Variants in FHIT observed in about 807,000 individuals in gnomAD.
FHIT encodes the protein fragile histidine triad diadenosine triphosphatase.
Under a neutral mutation model 17.9 loss-of-function variants are expected in FHIT, and 19 were observed. The ratio of observed to expected loss-of-function variants is 1.06; its 90% CI spans 0.74 to 1.56. The LOEUF (loss-of-function observed/expected upper bound fraction) is 1.56, where lower values mean the gene tolerates loss of function less well. Ranked by LOEUF, FHIT falls within the 40% of genes most tolerant of loss-of-function variation. The probability of loss-of-function intolerance (pLI) is 0.00; values close to 1 mark genes in which losing one functional copy is unlikely to be tolerated. For synonymous variants in FHIT, 81 were observed against 69.7 expected (o/e 1.16, Z -0.81); for missense variants, 248 against 189.2 (o/e 1.31, Z -1.82).
chr3:60,790,525 C>A (rs1485325273), intron 4 of FHIT, among the ~76,000 whole-genome samples: 2 of 152,142 alleles, frequency 1.3e-5, no homozygotes, highest in Non-Finnish European at 2.9e-5. Flanking sequence ...AATCCTGATT[C>A]CCCTTTTAGG....
chr3:61,113,664 C>T (rs2036221707), intron 2 of FHIT, among the ~76,000 whole-genome samples: 1 of 152,166 alleles, frequency 6.6e-6, no homozygotes, highest in Non-Finnish European at 1.5e-5. Context: ...GTTTATTTGA[C>T]ATCTCTCTTG....
intron 7 of FHIT, among the ~76,000 whole-genome samples, chr3:59,957,179 A>C (rs1707447275): frequency 6.6e-6 from 1 of 152,192 alleles, no homozygotes; most frequent in South Asian, 2.1e-4. Flanking sequence ...AGGGGCTTTA[A>C]AGAGGAAAGT....
intron 1 of FHIT, among the ~76,000 whole-genome samples, chr3:61,242,406 A>T (rs1419246396): frequency 6.6e-6 from 1 of 152,142 alleles, no homozygotes; most frequent in East Asian, 1.9e-4. Context: ...CCTACCAGAG[A>T]GACTTCTTAC....
At chr3:60,173,106 C>A (rs1337087343) in intron 5 of FHIT, among the ~76,000 whole-genome samples, 2 of 152,170 alleles carry the variant, frequency 1.3e-5, no homozygotes, top group Non-Finnish European at 2.9e-5. Context: ...ATGAGCACGG[C>A]ATTGGACCAA....
chr3:60,379,797 A>G (rs1700724029), intron 5 of FHIT, among the ~76,000 whole-genome samples: 1 of 152,202 alleles, frequency 6.6e-6, no homozygotes, highest in Non-Finnish European at 1.5e-5. Context: ...CTCTTAATTT[A>G]CAAAATAAAT....
At chr3:60,656,595 C>T (rs2040121959) in intron 4 of FHIT, among the ~76,000 whole-genome samples, 1 of 152,164 alleles carries the variant, frequency 6.6e-6, no homozygotes, top group South Asian at 2.1e-4. Flanking sequence ...AATGATAATT[C>T]TGGCTTTCTC....
intron 2 of FHIT, among the ~76,000 whole-genome samples, chr3:61,192,845 A>G (rs1237413632): frequency 6.6e-6 from 1 of 152,198 alleles, no homozygotes; most frequent in East Asian, 1.9e-4. Flanking sequence ...TTATCATGGG[A>G]GTCATAAAGT....
intron 8 of FHIT, among the ~76,000 whole-genome samples, chr3:59,908,843 C>CCTTTTTTTTTTTTTT (rs1264578670): frequency 6.6e-6 from 1 of 150,742 alleles, no homozygotes; most frequent in African/African-American, 2.4e-5. Flanking sequence ...AAGAACATTT[C>CCTTTTTTTTTTTTTT]ATTTTTTAAT....
At chr3:59,871,379 T>G (rs989937848) in intron 8 of FHIT, among the ~76,000 whole-genome samples, 1 of 152,148 alleles carries the variant, frequency 6.6e-6, no homozygotes, top group African/African-American at 2.4e-5. Flanking sequence ...CTCAACAATT[T>G]TCAAAATGCT....
intron 5 of FHIT, among the ~76,000 whole-genome samples, chr3:60,431,916 T>G (rs745602066): frequency 2.0e-5 from 3 of 152,054 alleles, no homozygotes; most frequent in African/African-American, 7.2e-5. Context: ...GCAAATACAC[T>G]ATTCCTCTGC....
chr3:61,210,187 C>A (rs2039411866), intron 1 of FHIT, among the ~76,000 whole-genome samples: 1 of 152,154 alleles, frequency 6.6e-6, no homozygotes, highest in Non-Finnish European at 1.5e-5. Flanking sequence ...AGAGGAGTAC[C>A]CGGCCGTGTG....
intron 8 of FHIT, among the ~76,000 whole-genome samples, chr3:59,769,978 A>T (rs1182942876): frequency 2.0e-5 from 3 of 152,224 alleles, no homozygotes; most frequent in African/African-American, 7.2e-5. Context: ...TCCATGTTTC[A>T]ACTGCTCTAT....
At chr3:60,263,952 GT>G (rs1415595986) in intron 5 of FHIT, among the ~76,000 whole-genome samples, 1 of 151,468 alleles carries the variant, frequency 6.6e-6, no homozygotes, top group African/African-American at 2.4e-5. Flanking sequence ...TTAGATTTAC[GT>G]TGAGAATTTT....
chr3:60,170,489 A>G (rs1328268133), intron 5 of FHIT, among the ~76,000 whole-genome samples: 1 of 152,210 alleles, frequency 6.6e-6, no homozygotes, highest in East Asian at 1.9e-4. Context: ...AAATCATTCT[A>G]AGTACATCCA....
chr3:61,215,684 C>T (rs1374762558), intron 1 of FHIT, among the ~76,000 whole-genome samples: 1 of 152,178 alleles, frequency 6.6e-6, no homozygotes, highest in African/African-American at 2.4e-5. Context: ...CCCGCATCAC[C>T]AAGTCAATCC....
intron 7 of FHIT, among the ~76,000 whole-genome samples, chr3:59,980,397 C>T (rs1293707416): frequency 1.3e-5 from 2 of 152,172 alleles, no homozygotes; most frequent in Non-Finnish European, 2.9e-5. Context: ...CTTCAAGAGT[C>T]CCCAGTTTTG....
At chr3:59,958,872 G>C (rs1472711725) in intron 7 of FHIT, among the ~76,000 whole-genome samples, 2 of 151,978 alleles carry the variant, frequency 1.3e-5, no homozygotes, top group African/African-American at 4.8e-5. Flanking sequence ...TATATAAAGT[G>C]GTCAGGCTCA....
chr3:60,296,194 T>C (rs1708200023), intron 5 of FHIT, among the ~76,000 whole-genome samples: 1 of 151,774 alleles, frequency 6.6e-6, no homozygotes, highest in South Asian at 2.1e-4. Flanking sequence ...ATCAGCAGTG[T>C]GAAATGGACT....
At chr3:59,835,350 A>G (rs950302266) in intron 8 of FHIT, among the ~76,000 whole-genome samples, 3 of 152,170 alleles carry the variant, frequency 2.0e-5, no homozygotes, top group African/African-American at 7.2e-5. Flanking sequence ...TTTCCCGCCT[A>G]TTATGTCTAA....
Sources: gnomAD v4.1 joint callset for allele counts (sites outside exome capture counted in the v4.1 genomes callset) on GRCh38, gnomAD v4.1.1 for gene constraint, MANE v1.5 for transcripts, NCBI Gene and HGNC (gene_info 2026-07-23, HGNC 2026-07-21) for gene names.